The following TGFB1 variants were observed in gnomAD, a reference collection of about 807,000 sequenced individuals.
The protein encoded by TGFB1 is transforming growth factor beta 1, also known as transforming growth factor beta-1 proprotein.
A neutral mutation model predicts 43.8 loss-of-function variants in TGFB1; 19 were observed. The observed-to-expected ratio is 0.43, with a 90% CI of 0.30 to 0.64. The LOEUF is 0.64. TGFB1 is among the 30% of genes least tolerant of loss of function. TGFB1 has a pLI of 0.11. For missense variants in TGFB1, 445 were observed against 529.8 expected (o/e 0.84, Z 1.57); for synonymous variants, 221 against 236.3 (o/e 0.94, Z 0.60).
chr19:41,347,550 G>A (rs1249588832), intron 2 of TGFB1, among the ~76,000 whole-genome samples: 3 of 151,966 alleles, frequency 2.0e-5, no homozygotes, highest in South Asian at 2.1e-4. Context: ...TCTAGGTTCC[G>A]GGTGCAGTGG....
At position 41,341,736 on chromosome 19, in the gene TGFB1, C is replaced by T. The variant is rs2038057960; in HGVS notation, c.860+147G>A. 9 of 1,006,830 alleles carry T rather than the reference C, an allele frequency of 8.9e-6. No homozygotes were observed. In the South Asian group the frequency reaches 9.9e-5, roughly 11 times the overall value. The allele number at this position is 1,006,830 out of a possible 1,614,324, so 62.4% of individuals were successfully genotyped here. A position where few individuals can be genotyped will look rare whatever the true frequency, so the allele number is the denominator to read the frequency against. On this transcript the variant is annotated intron_variant, in intron 5 of 6. Transcript: ENST00000221930. Reference sequence around the variant, plus strand: ...AAGACTCCTGGTTCTTACACCCAGACCTCATCCCCTGAGCCCTCCAAGCTA... The same window carrying T: ...AAGACTCCTGGTTCTTACACCCAGATCTCATCCCCTGAGCCCTCCAAGCTA...
intron 2 of TGFB1, among the ~76,000 whole-genome samples, chr19:41,346,162 C>A (rs2038114074): frequency 6.6e-6 from 1 of 152,098 alleles, no homozygotes; most frequent in Middle Eastern, 3.4e-3. Flanking sequence ...ACCAGCCTGA[C>A]CAATATGGAG....
intron 5 of TGFB1, among the ~76,000 whole-genome samples, chr19:41,337,259 A>G (rs987670188): frequency 2.6e-5 from 4 of 152,254 alleles, no homozygotes; most frequent in Non-Finnish European, 2.9e-5. Context: ...CTCCTGCCTC[A>G]GCCTCAAGAG....
At chr19:41,351,486 A>G (rs2038193314) in intron 1 of TGFB1, among the ~76,000 whole-genome samples, 1 of 152,022 alleles carries the variant, frequency 6.6e-6, no homozygotes, top group African/African-American at 2.4e-5. Flanking sequence ...GGGCTCCGCG[A>G]GCGATCCCCG....
In TGFB1 at chr19:41,352,973, G is replaced by T. The variant is rs146353438; in HGVS notation, c.72C>A (p.Gly24=). ...AGGTGGATAGTCCCGCGGCCGGCCG[G>T]CCAGGCGTCAGCACCAGTAGCCACA... The part of the protein sequence containing the change: ...PLLWLLVLTP[G]RPAAGLSTCK... Residue 24 remains glycine, a synonymous_variant, in exon 1 of 7, where the codon GGC becomes GGA. Coordinates refer to ENST00000221930, the MANE Select transcript of TGFB1 (RefSeq NM_000660.7). The T allele has an allele frequency of 3.4e-5, 53 of 1,543,408 alleles. No individual in the cohort carries two copies. In the African/African-American group the frequency reaches 6.7e-4, roughly 19 times the overall value.
At chr19:41,335,472 C>T (rs1030233086) in intron 5 of TGFB1, among the ~76,000 whole-genome samples, 1 of 152,144 alleles carries the variant, frequency 6.6e-6, no homozygotes, top group Non-Finnish European at 1.5e-5. Flanking sequence ...CCAGGACCAG[C>T]GGCAGCATCA....
intron 1 of TGFB1, 118 bp from the exon 2 acceptor site, chr19:41,348,573 C>T: frequency 2.0e-6 from 1 of 488,268 alleles, no homozygotes; most frequent in Non-Finnish European, 3.3e-6. Flanking sequence ...GTCTCTGATA[C>T]CTTTTATTTA....
At chr19:41,346,350 C>T (rs545493009) in intron 2 of TGFB1, among the ~76,000 whole-genome samples, 13 of 152,070 alleles carry the variant, frequency 8.5e-5, no homozygotes, top group Non-Finnish European at 1.8e-4. Flanking sequence ...AACTCCATCA[C>T]ACACACACAC....
chr19:41,340,541 A>G (rs2038043994), intron 5 of TGFB1, among the ~76,000 whole-genome samples: 1 of 152,108 alleles, frequency 6.6e-6, no homozygotes, highest in Admixed American at 6.6e-5. Flanking sequence ...TCAGCCTCCC[A>G]AAGTGCTGGA....
chr19:41,332,093 C>G (rs202125337), intron 6 of TGFB1, 35 bp downstream of exon 6: 8 of 1,601,812 alleles, frequency 5.0e-6, no homozygotes, highest in African/African-American at 1.3e-5. Flanking sequence ...TGGCTCCCCC[C>G]AAGCGCATCT....
chr19:41,352,001 G>C lies in TGFB1; in HGVS notation c.355+689C>G, dbSNP rs2038204991. Among the ~76,000 whole-genome samples, 8 of 151,798 alleles carry C rather than the reference G, an allele frequency of 5.3e-5. No individual in the cohort carries two copies. In the South Asian group the frequency reaches 1.7e-3, roughly 32 times the overall value. ...CCGAGGACACCTCTGCATCCCGGGC[G>C]CCCTCCCGAGTCTCCGCTCCTCTCC... On this transcript the variant is annotated intron_variant, in intron 1 of 6. Transcript: ENST00000221930.
intron 5 of TGFB1, among the ~76,000 whole-genome samples, chr19:41,335,658 A>C (rs1170903457): frequency 1.3e-5 from 2 of 152,136 alleles, no homozygotes; most frequent in East Asian, 1.9e-4. Context: ...TGGGATACCC[A>C]CAGCCCTTGC....
intron 5 of TGFB1, among the ~76,000 whole-genome samples, chr19:41,333,734 G>A (rs1015606102): frequency 6.6e-6 from 1 of 152,212 alleles, no homozygotes; most frequent in Non-Finnish European, 1.5e-5. Context: ...TGTCTGGAAT[G>A]CAGTAGGTAC....
chr19:41,351,466 G>A (rs961240162), intron 1 of TGFB1, among the ~76,000 whole-genome samples: 4 of 152,214 alleles, frequency 2.6e-5, no homozygotes, highest in Non-Finnish European at 2.9e-5. Flanking sequence ...GACCTGCCCC[G>A]TCTCGCCCCG....
chr19:41,342,096 G>A, intron 4 of TGFB1, 66 bp from the exon 5 acceptor site: 1 of 1,613,336 alleles, frequency 6.2e-7, no homozygotes, highest in Non-Finnish European at 8.5e-7. Context: ...ATAGATAAGT[G>A]GGGCGTGGGG....
intron 2 of TGFB1, among the ~76,000 whole-genome samples, chr19:41,345,146 T>C (rs903446684): frequency 3.3e-5 from 5 of 152,196 alleles, no homozygotes; most frequent in Admixed American, 6.5e-5. Context: ...TGTTTCCTCA[T>C]TGGTGAAATG....
chr19:41,341,779 G>A (rs2038058342), intron 5 of TGFB1, 104 bp downstream of exon 5: 2 of 1,466,770 alleles, frequency 1.4e-6, no homozygotes. Flanking sequence ...CAGATGCTCA[G>A]CCCAAGCACA....
intron 1 of TGFB1, among the ~76,000 whole-genome samples, chr19:41,349,947 A>C (rs2038164123): frequency 6.6e-6 from 1 of 151,920 alleles, no homozygotes; most frequent in Non-Finnish European, 1.5e-5. Context: ...CTGGGATTCA[A>C]ACTCAAGCTG....
chr19:41,343,980 CTTTTTTTT>C (rs3061192), intron 3 of TGFB1, among the ~76,000 whole-genome samples: 4 of 98,638 alleles, frequency 4.1e-5, no homozygotes, highest in Non-Finnish European at 5.7e-5. Flanking sequence ...TGCCTGGAAT[CTTTTTTTT>C]TTTTTTTTTT....
Sources: gnomAD v4.1 joint callset for allele counts (sites outside exome capture counted in the v4.1 genomes callset) on GRCh38, gnomAD v4.1.1 for gene constraint, MANE v1.5 for transcripts, NCBI Gene and HGNC (gene_info 2026-07-23, HGNC 2026-07-21) for gene names.